PLCL1: variants seen among roughly 807,000 people sequenced by gnomAD.
PLCL1 encodes the protein inactive phospholipase C-like protein 1.
In PLCL1, 41 loss-of-function variants were observed where a neutral mutation model predicts 84.4. That is an observed-to-expected ratio of 0.49 (90% CI 0.38 to 0.63). PLCL1 has a LOEUF of 0.63. Among genes scored for constraint, PLCL1 ranks in the 30% least tolerant of loss-of-function variants. PLCL1 has a pLI of 0.00. For missense variants in PLCL1, 1,206 were observed against 1,367.8 expected, an observed-to-expected ratio of 0.88 and a Z score of 1.87; for synonymous variants, 490 against 488.3, an observed-to-expected ratio of 1.00 and a Z score of -0.05.
chr2:197,921,390 C>T lies in PLCL1; in HGVS notation c.240+116051C>T, dbSNP rs569129014. ...GCACCTCTATTAATTAATAGGGGTC[C>T]TTTTCAAAGTTTCGGGTGAAAAATT... On this transcript the variant is annotated intron_variant, in intron 1 of 5. Transcript: ENST00000428675. 4.4e-4 allele frequency among the ~76,000 whole-genome samples: 67 copies of T among 152,120 alleles called. 1 individual carries two copies. Among genetic ancestry groups the T allele is most frequent in the African/African-American group, 1.5e-3 (64 of 41,502 alleles).
At chr2:198,093,310 A>G (rs987745931) in intron 3 of PLCL1, among the ~76,000 whole-genome samples, 1 of 152,248 alleles carries the variant, frequency 6.6e-6, no homozygotes, top group African/African-American at 2.4e-5. Context: ...ATAAGAATGT[A>G]TCAATAGTGG....
chr2:198,071,581 C>T (rs1236378618), intron 1 of PLCL1, among the ~76,000 whole-genome samples: 1 of 151,580 alleles, frequency 6.6e-6, no homozygotes, highest in African/African-American at 2.4e-5. Context: ...ATTATTTGGG[C>T]ATCTTTTTAT....
rs898586651 is a variant in PLCL1 at position 198,147,116 on chromosome 2, G to C, written c.*154G>C. The C allele has an allele frequency of 6.9e-6, 4 of 581,622 alleles. No homozygotes were observed. The highest frequency in any genetic ancestry group is 1.2e-5 in the Non-Finnish European group (4 of 341,996). The allele number at this position is 581,622 out of a possible 1,614,324, so 36.0% of individuals were successfully genotyped here. On this transcript the variant is annotated 3_prime_UTR_variant, in exon 6 of 6. Transcript: ENST00000428675. Reference sequence around the variant, plus strand: ...TTCACAATGTCAGTATTTCAGTGTAGTTAATTTATCTAAATTAAAGCCTTT... The same window carrying C: ...TTCACAATGTCAGTATTTCAGTGTACTTAATTTATCTAAATTAAAGCCTTT...
chr2:198,102,448 C>A (rs1294570657), intron 4 of PLCL1, among the ~76,000 whole-genome samples: 4 of 151,916 alleles, frequency 2.6e-5, no homozygotes. Context: ...GATGTTAGCA[C>A]CAGGAAAGTT....
intron 1 of PLCL1, among the ~76,000 whole-genome samples, chr2:197,861,348 C>G (rs1687431013): frequency 1.3e-5 from 2 of 152,156 alleles, no homozygotes; most frequent in South Asian, 4.1e-4. Flanking sequence ...GAAGGTGGAG[C>G]ACCTAAAGAA....
chr2:197,982,009 T>C (rs1690116428), intron 1 of PLCL1, among the ~76,000 whole-genome samples: 1 of 151,972 alleles, frequency 6.6e-6, no homozygotes, highest in Non-Finnish European at 1.5e-5. Flanking sequence ...AATATAGTTT[T>C]AATTTTTAAA....
chr2:198,121,366 G>T (rs1210524213), intron 5 of PLCL1, among the ~76,000 whole-genome samples: 1 of 152,004 alleles, frequency 6.6e-6, no homozygotes, highest in Non-Finnish European at 1.5e-5. Context: ...TGCTTGTGGG[G>T]TATTACTTAA....
intron 1 of PLCL1, among the ~76,000 whole-genome samples, chr2:198,005,151 T>C (rs932014618): frequency 6.6e-6 from 1 of 152,248 alleles, no homozygotes; most frequent in African/African-American, 2.4e-5. Context: ...ACTTCCACCC[T>C]CCTTTATTTC....
intron 5 of PLCL1, among the ~76,000 whole-genome samples, chr2:198,144,391 T>C (rs1036445257): frequency 2.0e-5 from 3 of 152,220 alleles, no homozygotes; most frequent in Non-Finnish European, 2.9e-5. Flanking sequence ...GTAGTACATA[T>C]ACATTATACA....
At chr2:198,131,856 G>A (rs943913730) in intron 5 of PLCL1, among the ~76,000 whole-genome samples, 6 of 152,276 alleles carry the variant, frequency 3.9e-5, no homozygotes, top group Admixed American at 6.5e-5. Flanking sequence ...TGCATGTGAC[G>A]ATGCAGGGAA....
intron 1 of PLCL1, among the ~76,000 whole-genome samples, chr2:197,999,561 A>G (rs1190769636): frequency 1.3e-5 from 2 of 152,204 alleles, no homozygotes; most frequent in Non-Finnish European, 2.9e-5. Flanking sequence ...TGCTTCTTTA[A>G]TTTGGACAGA....
chr2:198,123,643 A>G (rs1693921799), intron 5 of PLCL1, among the ~76,000 whole-genome samples: 1 of 152,002 alleles, frequency 6.6e-6, no homozygotes, highest in African/African-American at 2.4e-5. Flanking sequence ...TCAGAAATAA[A>G]TTTCTGTTGC....
chr2:197,926,023 T>C (rs1267441229), intron 1 of PLCL1, among the ~76,000 whole-genome samples: 2 of 152,228 alleles, frequency 1.3e-5, no homozygotes, highest in Non-Finnish European at 2.9e-5. Context: ...TTTTGGTTTG[T>C]CTTTGAGGGG....
In PLCL1 at chr2:198,084,165, T is replaced by A. The variant is rs768269772; in HGVS notation, c.648T>A (p.Ser216=). ...NSADVANIWV[S]GLRYLVSRSK... ...CAGATGTGGCAAACATCTGGGTGTCTGGGTTACGGTACCTGGTTTCTCGAA... is the reference window on the plus strand; with the variant it reads ...CAGATGTGGCAAACATCTGGGTGTCAGGGTTACGGTACCTGGTTTCTCGAA... The change falls in exon 2 of 6, where the codon TCT becomes TCA. Residue 216 remains serine (S), a synonymous_variant. Coordinates refer to ENST00000428675, the MANE Select transcript of PLCL1 (RefSeq NM_006226.4). The A allele has an allele frequency of 1.2e-6, 2 of 1,614,178 alleles. No homozygotes were observed. Among genetic ancestry groups the A allele is most frequent in the African/African-American group, 2.7e-5 (2 of 75,058 alleles).
chr2:198,139,356 T>C (rs990151137), intron 5 of PLCL1, among the ~76,000 whole-genome samples: 3 of 152,222 alleles, frequency 2.0e-5, no homozygotes, highest in Admixed American at 1.3e-4. Context: ...ATTATTTGTT[T>C]TCATACTAGT....
At chr2:197,814,838 C>T (rs897036572) in intron 1 of PLCL1, among the ~76,000 whole-genome samples, 1 of 152,154 alleles carries the variant, frequency 6.6e-6, no homozygotes, top group African/African-American at 2.4e-5. Context: ...CATAACATTT[C>T]CTTAAGCCAA....
intron 1 of PLCL1, among the ~76,000 whole-genome samples, chr2:197,943,398 T>C (rs184937024): frequency 3.9e-4 from 60 of 152,198 alleles, no homozygotes; most frequent in South Asian, 2.5e-3. Context: ...TCTTCTCCCA[T>C]TGATTTGTCC....
At chr2:198,027,725 T>C (rs1237448331) in intron 1 of PLCL1, among the ~76,000 whole-genome samples, 1 of 152,226 alleles carries the variant, frequency 6.6e-6, no homozygotes, top group Non-Finnish European at 1.5e-5. Flanking sequence ...GCTATACTTA[T>C]GTTAATATCC....
chr2:197,831,726 A>T (rs1338189920), intron 1 of PLCL1, among the ~76,000 whole-genome samples: 2 of 152,242 alleles, frequency 1.3e-5, no homozygotes, highest in South Asian at 4.1e-4. Context: ...CATTCTTCTC[A>T]GCACCACATA....
Sources: allele counts gnomAD v4.1 joint callset (sites outside exome capture counted in the v4.1 genomes callset), GRCh38; gene constraint gnomAD v4.1.1; transcripts MANE v1.5; gene names NCBI Gene and HGNC (gene_info 2026-07-23, HGNC 2026-07-21).